AP3B1: variants seen among roughly 807,000 people sequenced by gnomAD.
AP3B1 encodes the protein AP-3 complex subunit beta-1.
Under a neutral mutation model 132.5 loss-of-function variants are expected in AP3B1, and 61 were observed. The observed-to-expected ratio is 0.46, with a 90% confidence interval of 0.37 to 0.57. The LOEUF (loss-of-function observed/expected upper bound fraction) is 0.57, where lower values mean the gene tolerates loss of function less well. Among genes scored for constraint, AP3B1 ranks in the 20% least tolerant of loss-of-function variants. The probability of loss-of-function intolerance (pLI) is 0.00; values close to 1 mark genes in which losing one functional copy is unlikely to be tolerated. For synonymous variants in AP3B1, 388 were observed against 438.3 expected, an observed-to-expected ratio of 0.89 and a Z score of 1.43; for missense variants, 1,120 against 1,289.4, an observed-to-expected ratio of 0.87 and a Z score of 2.01.
intron 1 of AP3B1, among the ~76,000 whole-genome samples, chr5:78,280,916 C>T (rs564860651): frequency 5.9e-5 from 9 of 152,280 alleles, no homozygotes; most frequent in African/African-American, 1.2e-4. Flanking sequence ...ATAGTTAACA[C>T]TACTGAATTG....
In AP3B1 at chr5:78,162,003, C is replaced by T. The variant is rs114345949; in HGVS notation, c.1363+816G>A. Among the ~76,000 whole-genome samples, 632 of 152,068 alleles carry T rather than the reference C, an allele frequency of 4.2e-3. 1 individual carries two copies. The highest frequency in any genetic ancestry group is 0.014 in the Middle Eastern group (4 of 294). The stretch of plus-strand genomic sequence containing the variant: ...CATATATGCCCATATCTAGACATGA[C>T]ATAGACATTAGTATATTTTAAATTC... On this transcript the variant is annotated intron_variant, in intron 13 of 26. Coordinates refer to ENST00000255194, the MANE Select transcript of AP3B1 (RefSeq NM_003664.5).
intron 22 of AP3B1, among the ~76,000 whole-genome samples, chr5:78,075,885 G>A (rs1749747250): frequency 6.6e-6 from 1 of 152,210 alleles, no homozygotes; most frequent in Non-Finnish European, 1.5e-5. Context: ...GTGACAAAGT[G>A]ATGGTCCTCA....
chr5:78,250,517 A>C (rs1031030389), intron 2 of AP3B1, among the ~76,000 whole-genome samples: 3 of 152,188 alleles, frequency 2.0e-5, no homozygotes, highest in Non-Finnish European at 4.4e-5. Context: ...GATCTTATGA[A>C]TTTAGAGCCT....
intron 22 of AP3B1, among the ~76,000 whole-genome samples, chr5:78,045,242 G>A (rs572548722): frequency 9.2e-5 from 14 of 152,054 alleles, no homozygotes; most frequent in South Asian, 4.2e-4. Flanking sequence ...TTAGCTGGGC[G>A]TGGTGGCATG....
intron 7 of AP3B1, among the ~76,000 whole-genome samples, chr5:78,201,299 T>A (rs891926646): frequency 6.6e-6 from 1 of 152,186 alleles, no homozygotes; most frequent in African/African-American, 2.4e-5. Context: ...TAATTCTATA[T>A]CTAGGTATTG....
At chr5:78,144,701 G>C (rs1466758024) in intron 14 of AP3B1, among the ~76,000 whole-genome samples, 1 of 152,172 alleles carries the variant, frequency 6.6e-6, no homozygotes, top group Non-Finnish European at 1.5e-5. Context: ...AGGATACAAA[G>C]TGCTATTTCA....
In AP3B1 at chr5:78,141,289, G is replaced by C. The variant is rs751564262; in HGVS notation, c.1504C>G (p.Leu502Val). The part of the protein sequence containing the change: ...VPVARASILW[L>V]IGENCERVPK... ...ACTCGTTCACAGTTTTCTCCAATTA[G>C]CCAAAGAATACTTGCTCTAGCAACA... Residue 502 changes from leucine (L) to valine (V), a missense_variant, in exon 15 of 27, where the codon CTA becomes GTA. By Grantham distance (32) the Leu-to-Val change is conservative. Coordinates refer to ENST00000255194, the MANE Select transcript of AP3B1 (RefSeq NM_003664.5). 1 of 1,613,550 alleles carries C rather than the reference G, an allele frequency of 6.2e-7. No homozygotes were observed. Among genetic ancestry groups the C allele is most frequent in the South Asian group, 1.1e-5 (1 of 91,074 alleles).
chr5:78,098,805 C>G (rs1751008934), intron 21 of AP3B1, among the ~76,000 whole-genome samples: 1 of 152,092 alleles, frequency 6.6e-6, no homozygotes, highest in Non-Finnish European at 1.5e-5. Context: ...ACACAGAGAC[C>G]CTGTCCTCAT....
rs559226315 is a variant in AP3B1, at chr5:78,289,171, C to A, written c.128+5281G>T. The stretch of plus-strand genomic sequence containing the variant: ...TCTCACTCAGCTGCATTTCTATATG[C>A]CTTTCAGAAAGATACAAAAAGTAGT... On this transcript the variant is annotated intron_variant, in intron 1 of 26. Transcript: ENST00000255194. 1.4e-4 allele frequency among the ~76,000 whole-genome samples: 22 copies of A among 152,178 alleles called. No homozygotes were observed. In the South Asian group the frequency reaches 3.5e-3, roughly 24 times the overall value.
intron 2 of AP3B1, among the ~76,000 whole-genome samples, chr5:78,253,127 T>C (rs954234128): frequency 9.9e-5 from 15 of 152,194 alleles, no homozygotes; most frequent in Non-Finnish European, 2.1e-4. Flanking sequence ...TAAGACCATC[T>C]AGGCAGTACC....
intron 7 of AP3B1, among the ~76,000 whole-genome samples, chr5:78,193,538 A>G (rs1744927164): frequency 6.6e-6 from 1 of 151,514 alleles, no homozygotes; most frequent in Admixed American, 6.6e-5. Context: ...TATACACAAA[A>G]GAGAATTCTA....
intron 17 of AP3B1, among the ~76,000 whole-genome samples, chr5:78,127,568 C>A (rs1752514390): frequency 6.6e-6 from 1 of 152,018 alleles, no homozygotes; most frequent in Non-Finnish European, 1.5e-5. Flanking sequence ...ACACAATGCT[C>A]CCTATTTATG....
chr5:78,150,105 G>T (rs1404249256), intron 14 of AP3B1, among the ~76,000 whole-genome samples: 1 of 152,082 alleles, frequency 6.6e-6, no homozygotes. Context: ...TGAAGAGAAT[G>T]AGAATACAGA....
In AP3B1 at chr5:78,043,440, T is replaced by G. The variant is rs540594205; in HGVS notation, c.2578-4166A>C. On this transcript the variant is annotated intron_variant, in intron 22 of 26. Coordinates refer to ENST00000255194, the MANE Select transcript of AP3B1 (RefSeq NM_003664.5). ...CCATTGTGCCTGGCCTATCTTCCTC[T>G]TCTTTCTCACCTTTCTCTTCCTCTG... 8.1e-5 allele frequency: 18 copies of G among 222,508 alleles called. No homozygotes were observed. The South Asian group carries it at 1.3e-3, about 16-fold the overall frequency. The allele number at this position is 222,508 out of a possible 1,614,324, so 13.8% of individuals were successfully genotyped here.
chr5:78,166,117 TCACACA>T (rs70997970), intron 11 of AP3B1, among the ~76,000 whole-genome samples: 4,530 of 135,750 alleles, frequency 0.033, 117 homozygotes, highest in East Asian at 0.076. Flanking sequence ...TGAAACTCTG[TCACACA>T]CACACACACA....
chr5:78,180,230 A>G (rs531434024), intron 8 of AP3B1, among the ~76,000 whole-genome samples: 4 of 152,226 alleles, frequency 2.6e-5, no homozygotes, highest in Admixed American at 2.6e-4. Context: ...ATTGTTGTTG[A>G]TAACTTGGAT....
chr5:78,215,946 T>C, intron 7 of AP3B1, 109 bp downstream of exon 7: 1 of 1,001,132 alleles, frequency 1.0e-6, no homozygotes. Flanking sequence ...GAGTCTTCCT[T>C]AAATATGCAG....
At chr5:78,038,601 T>C (rs1747907691) in intron 23 of AP3B1, among the ~76,000 whole-genome samples, 1 of 152,160 alleles carries the variant, frequency 6.6e-6, no homozygotes, top group South Asian at 2.1e-4. Context: ...TTCCCATAAA[T>C]TGAAAAGTGA....
intron 1 of AP3B1, among the ~76,000 whole-genome samples, chr5:78,277,909 C>T (rs577943104): frequency 6.7e-6 from 1 of 148,204 alleles, no homozygotes; most frequent in Non-Finnish European, 1.5e-5. Context: ...TGATGTCATA[C>T]AGACATCACA....
Sources: gnomAD v4.1 joint callset for allele counts (sites outside exome capture counted in the v4.1 genomes callset) on GRCh38, gnomAD v4.1.1 for gene constraint, MANE v1.5 for transcripts, NCBI Gene and HGNC (gene_info 2026-07-23, HGNC 2026-07-21) for gene names.